DIRAS2: variants seen among roughly 807,000 people sequenced by gnomAD.
The protein encoded by DIRAS2 is DIRAS family GTPase 2, also known as GTP-binding protein Di-Ras2.
DIRAS2 carries 5 observed loss-of-function variants against 13.9 expected under a neutral mutation model. The ratio of observed to expected loss-of-function variants is 0.36; its 90% CI spans 0.19 to 0.76. DIRAS2 has a LOEUF of 0.76. Ranked by LOEUF, DIRAS2 falls within the 30% of genes least tolerant of loss-of-function variation. DIRAS2 has a pLI of 0.53. For missense variants in DIRAS2, 191 were observed against 263.0 expected (o/e 0.73, Z 1.89); for synonymous variants, 111 against 105.4 (o/e 1.05, Z -0.33).
chr9:90,636,732 C>T (rs960182706), intron 1 of DIRAS2, among the ~76,000 whole-genome samples: 4 of 152,170 alleles, frequency 2.6e-5, no homozygotes, highest in African/African-American at 7.2e-5. Context: ...CAAAGAGAGA[C>T]AGATATCAAT....
intron 1 of DIRAS2, among the ~76,000 whole-genome samples, chr9:90,634,379 C>T (rs747342035): frequency 3.9e-5 from 6 of 152,146 alleles, no homozygotes; most frequent in African/African-American, 9.7e-5. Flanking sequence ...CCATGGTGAC[C>T]GGGCAGGTTA....
At chr9:90,624,812 T>TCAAGCGAA (rs1825253120) in intron 1 of DIRAS2, among the ~76,000 whole-genome samples, 1 of 151,978 alleles carries the variant, frequency 6.6e-6, no homozygotes. Context: ...CCTCCCGGGT[T>TCAAGCGAA]CAAGCGAATC....
intron 1 of DIRAS2, among the ~76,000 whole-genome samples, chr9:90,636,142 A>G (rs1825368868): frequency 7.4e-6 from 1 of 135,840 alleles, no homozygotes; most frequent in Non-Finnish European, 1.5e-5. Flanking sequence ...GGTTCACGCC[A>G]TTCTCCTGCC....
intron 1 of DIRAS2, among the ~76,000 whole-genome samples, chr9:90,635,170 G>C (rs1328012410): frequency 2.0e-5 from 3 of 152,192 alleles, no homozygotes; most frequent in Admixed American, 6.5e-5. Flanking sequence ...CAAGAGCCTA[G>C]GGGACCAGAA....
chr9:90,634,332 G>A (rs1825352216), intron 1 of DIRAS2, among the ~76,000 whole-genome samples: 1 of 152,188 alleles, frequency 6.6e-6, no homozygotes, highest in Non-Finnish European at 1.5e-5. Context: ...TAAGGACCTA[G>A]GAGCCATTAA....
At chr9:90,616,906 G>A (rs568265454) in intron 1 of DIRAS2, among the ~76,000 whole-genome samples, 4 of 152,252 alleles carry the variant, frequency 2.6e-5, no homozygotes, top group African/African-American at 4.8e-5. Flanking sequence ...TATACATTAC[G>A]CCCCACTTCG....
chr9:90,630,343 C>T (rs1335218371), intron 1 of DIRAS2, among the ~76,000 whole-genome samples: 1 of 152,158 alleles, frequency 6.6e-6, no homozygotes, highest in African/African-American at 2.4e-5. Context: ...TGCTTAAAAC[C>T]ACTCAAAGGT....
Position 90,613,660 on chromosome 9 carries a change from T to C in DIRAS2, c.168A>G (p.Thr56=), listed in dbSNP as rs776493628. The C allele has an allele frequency of 1.2e-6, 2 of 1,614,124 alleles. No individual in the cohort carries two copies. Among genetic ancestry groups the C allele is most frequent in the Admixed American group, 1.7e-5 (1 of 60,012 alleles). Residue 56 remains threonine (T), a synonymous_variant, in exon 2 of 2, where the codon ACA becomes ACG. Coordinates refer to ENST00000375765, the MANE Select transcript of DIRAS2 (RefSeq NM_017594.5). The surrounding 1 kb of genome is among the most constrained non-coding windows in gnomAD (Gnocchi z 5.6). ...QVISCDKSIC[T]LQITDTTGSH... ...TCCCCGTCGTGTCGGTGATCTGCAA[T>C]GTGCATATGCTCTTGTCACAGCTGA...
At chr9:90,617,954 GT>G (rs1206817144) in intron 1 of DIRAS2, among the ~76,000 whole-genome samples, 1 of 152,024 alleles carries the variant, frequency 6.6e-6, no homozygotes, top group East Asian at 1.9e-4. Flanking sequence ...CCCATGTCAT[GT>G]ATCAGAGGAC....
intron 1 of DIRAS2, among the ~76,000 whole-genome samples, chr9:90,627,395 G>C (rs1256836218): frequency 6.6e-6 from 1 of 152,200 alleles, no homozygotes; most frequent in Non-Finnish European, 1.5e-5. Context: ...TGAACCTTGA[G>C]GACATTATGC....
In DIRAS2 at chr9:90,612,335, C is replaced by T. The variant is rs1439067295; in HGVS notation, c.*893G>A. On this transcript the variant is annotated 3_prime_UTR_variant, in exon 2 of 2. Coordinates refer to ENST00000375765, the MANE Select transcript of DIRAS2 (RefSeq NM_017594.5). ...GATCGAGTTATTTAAGAGAAGAAAA[C>T]CACCTTGGAGGAAAAAAACGTCTAA... is the stretch of plus-strand genomic sequence containing the variant. The T allele has an allele frequency of 6.6e-6, 1 of 152,500 alleles. No homozygotes were observed. Among genetic ancestry groups the T allele is most frequent in the African/African-American group, 2.4e-5 (1 of 41,390 alleles). The allele number at this position is 152,500 out of a possible 1,614,324, so 9.4% of individuals were successfully genotyped here. A position where few individuals can be genotyped will look rare whatever the true frequency, so the allele number is the denominator to read the frequency against.
Position 90,611,623 on chromosome 9 carries a change from G to A in DIRAS2, c.*1605C>T, listed in dbSNP as rs1038109862. 1 of 152,302 alleles carries A rather than the reference G, an allele frequency of 6.6e-6. No homozygotes were observed. Among genetic ancestry groups the A allele is most frequent in the Admixed American group, 6.5e-5 (1 of 15,280 alleles). The allele number at this position is 152,302 out of a possible 1,614,324, so 9.4% of individuals were successfully genotyped here. ...GACAGGAGAAACAGCAGTTGCAGGAGGTGGCCTGGTCAAACATCCCCAACT... is the reference window on the plus strand; with the variant it reads ...GACAGGAGAAACAGCAGTTGCAGGAAGTGGCCTGGTCAAACATCCCCAACT... On this transcript the variant is annotated 3_prime_UTR_variant, in exon 2 of 2. Transcript: ENST00000375765.
rs142376070 is a variant in DIRAS2, at chr9:90,630,911, G to A, written c.-37+11841C>T. 3.3e-5 allele frequency among the ~76,000 whole-genome samples: 5 copies of A among 152,268 alleles called. No homozygotes were observed. In the East Asian group the frequency reaches 5.8e-4, roughly 18 times the overall value. ...AATGATTCCACCCTTACATGAGATA[G>A]CCCACAGCAATGTAAATGTGTTCTT... is the stretch of plus-strand genomic sequence containing the variant. On this transcript the variant is annotated intron_variant, in intron 1 of 1. Transcript: ENST00000375765.
Position 90,613,639 on chromosome 9 carries a change from C to T in DIRAS2, c.189G>A (p.Thr63=), listed in dbSNP as rs750919460. The T allele has an allele frequency of 6.2e-7, 1 of 1,614,128 alleles. No homozygotes were observed. The highest frequency in any genetic ancestry group is 2.2e-5 in the East Asian group (1 of 44,872). ...GCATGGCCGGGAACTGGTGGCTCCC[C>T]GTCGTGTCGGTGATCTGCAATGTGC... ...SICTLQITDT[T]GSHQFPAMQR... is the part of the protein sequence containing the mutation. The change falls in exon 2 of 2, where the codon ACG becomes ACA. Residue 63 remains threonine, a synonymous_variant. Transcript: ENST00000375765. The surrounding 1 kb of genome is among the most constrained non-coding windows in gnomAD (Gnocchi z 5.6).
At chr9:90,615,319 A>G (rs566472259) in intron 1 of DIRAS2, among the ~76,000 whole-genome samples, 69 of 152,332 alleles carry the variant, frequency 4.5e-4, no homozygotes, top group African/African-American at 1.6e-3. Context: ...TTCAATACTC[A>G]GCTGTTCTTG....
chr9:90,636,628 G>A (rs536409683), intron 1 of DIRAS2, among the ~76,000 whole-genome samples: 3 of 152,262 alleles, frequency 2.0e-5, no homozygotes, highest in East Asian at 3.9e-4. Flanking sequence ...TAAATTGAAT[G>A]GTAGTGGAAC....
At chr9:90,627,287 C>T (rs895259422) in intron 1 of DIRAS2, among the ~76,000 whole-genome samples, 3 of 152,072 alleles carry the variant, frequency 2.0e-5, no homozygotes, top group African/African-American at 2.4e-5. Context: ...ATGAAGTCTC[C>T]GGGATTTCTT....
chr9:90,634,104 G>A (rs767382672), intron 1 of DIRAS2, among the ~76,000 whole-genome samples: 4 of 152,200 alleles, frequency 2.6e-5, no homozygotes, highest in Non-Finnish European at 4.4e-5. Context: ...GTCAGAGTGG[G>A]GAGGCTCCCT....
chr9:90,620,694 A>C (rs563857577), intron 1 of DIRAS2, among the ~76,000 whole-genome samples: 5 of 151,990 alleles, frequency 3.3e-5, no homozygotes, highest in African/African-American at 1.2e-4. Context: ...AGCAGAGATC[A>C]CGCCACTGCA....
Sources: allele counts gnomAD v4.1 joint callset (sites outside exome capture counted in the v4.1 genomes callset), GRCh38; gene constraint gnomAD v4.1.1; non-coding constraint Gnocchi (gnomAD v3.1); transcripts MANE v1.5; gene names NCBI Gene and HGNC (gene_info 2026-07-23, HGNC 2026-07-21).